The following DMKN variants were observed in gnomAD, a reference collection of about 807,000 sequenced individuals.
DMKN encodes dermokine, also known as epidermis-specific secreted protein SK30/SK89.
Under a neutral mutation model 67.6 loss-of-function variants are expected in DMKN, and 58 were observed. That is an observed-to-expected ratio of 0.86 (90% CI 0.69 to 1.07). The LOEUF (loss-of-function observed/expected upper bound fraction) is 1.07. Among genes scored for constraint, DMKN ranks in the 50% least tolerant of loss-of-function variants. DMKN has a pLI of 0.00. For missense variants in DMKN, 596 were observed against 601.5 expected (o/e 0.99, Z 0.10); for synonymous variants, 240 against 232.3 (o/e 1.03, Z -0.30).
At position 35,499,989 on chromosome 19, in the gene DMKN, C is replaced by T. The variant is rs561124543; in HGVS notation, c.1328G>A (p.Gly443Asp). ...AGGGGTCTTGACTGAGTACTTCCCACCATAGGCAGTGGGATACGCATGCTG... is the reference window on the plus strand; with the variant it reads ...AGGGGTCTTGACTGAGTACTTCCCATCATAGGCAGTGGGATACGCATGCTG... ...YNQHAYPTAY[G>D]GKYSVKTPAK... Residue 443 changes from glycine (G) to aspartate (D), a missense_variant, in exon 13 of 16, where the codon GGT (glycine) becomes GAT (aspartate). Gly to Asp is a moderately conservative substitution (Grantham distance 94). Transcript: ENST00000339686. 11 of 1,614,184 alleles carry T rather than the reference C, an allele frequency of 6.8e-6. No individual in the cohort carries two copies. The African/African-American group carries it at 8.0e-5, about 12-fold the overall frequency.
intron 7 of DMKN, among the ~76,000 whole-genome samples, chr19:35,509,118 G>A (rs1225948503): frequency 6.6e-6 from 1 of 152,084 alleles, no homozygotes; most frequent in East Asian, 1.9e-4. Flanking sequence ...CTACTCGGGA[G>A]GCTGAGGTAA....
At chr19:35,502,288 G>T in intron 10 of DMKN, 105 bp from the exon 11 acceptor site, 1 of 1,160,012 alleles carries the variant, frequency 8.6e-7, no homozygotes, top group Non-Finnish European at 1.3e-6. Flanking sequence ...AGGAGCTTTT[G>T]GGTGTGGCTT....
chr19:35,512,134 A>G (rs956110131), intron 3 of DMKN, among the ~76,000 whole-genome samples: 26 of 151,710 alleles, frequency 1.7e-4, no homozygotes, highest in Non-Finnish European at 7.4e-5. Flanking sequence ...AGTGGCTGCA[A>G]TTACAGGCGC....
At chr19:35,511,993 C>CTT (rs11285451) in intron 3 of DMKN, among the ~76,000 whole-genome samples, 180 bp from the exon 4 acceptor site, 3,060 of 113,016 alleles carry the variant, frequency 0.027, 91 homozygotes, top group Non-Finnish European at 0.041. Context: ...TCTCTTCCTC[C>CTT]TTTTTTTTTT....
intron 7 of DMKN, among the ~76,000 whole-genome samples, chr19:35,508,810 A>T (rs984332313): frequency 3.9e-5 from 6 of 152,230 alleles, no homozygotes; most frequent in Non-Finnish European, 8.8e-5. Context: ...TTGCAGGAGT[A>T]TGCATAGTGC....
chr19:35,510,237 A>G lies in DMKN; in HGVS notation c.934T>C (p.Ser312Pro). 1 of 1,606,682 alleles carries G rather than the reference A, an allele frequency of 6.2e-7. No individual in the cohort carries two copies. Among genetic ancestry groups the G allele is most frequent in the East Asian group, 2.2e-5 (1 of 44,546 alleles). The stretch of plus-strand genomic sequence containing the variant: ...CTCCCACCGTGGTTGCCGGAGGAGG[A>G]GCCGGTGCTGGATCCCTGCAGGGGA... Reference protein sequence around the residue: ...SESSWGSSTGSSSGNHGGSGG... With the variant: ...SESSWGSSTGPSSGNHGGSGG... The change falls in exon 6 of 16, where the codon TCC becomes CCC. Residue 312 changes from serine to proline, a missense_variant. By Grantham distance (74) the Ser-to-Pro change is moderately conservative. Transcript: ENST00000339686.
At chr19:35,505,406 A>G (rs2069265742) in intron 9 of DMKN, among the ~76,000 whole-genome samples, 1 of 152,070 alleles carries the variant, frequency 6.6e-6, no homozygotes, top group African/African-American at 2.4e-5. Context: ...TCTAGGAGTC[A>G]ATCTACTCTC....
chr19:35,510,763 A>G (rs1004745792), intron 5 of DMKN, among the ~76,000 whole-genome samples: 1 of 152,144 alleles, frequency 6.6e-6, no homozygotes, highest in African/African-American at 2.4e-5. Flanking sequence ...AGGAAGCCAG[A>G]TGTGGCTCCC....
intron 6 of DMKN, 90 bp downstream of exon 6, chr19:35,510,094 C>G: frequency 6.4e-7 from 1 of 1,564,066 alleles, no homozygotes; most frequent in Non-Finnish European, 8.7e-7. Context: ...CCCATCTCCG[C>G]GGAGCCTTGG....
At chr19:35,506,051 T>C in intron 7 of DMKN, 65 bp from the exon 8 acceptor site, 1 of 1,613,114 alleles carries the variant, frequency 6.2e-7, no homozygotes, top group Non-Finnish European at 8.5e-7. Flanking sequence ...TCGGGAGATC[T>C]GAGTGGCAGG....
chr19:35,501,655 C>T (rs2068385312), intron 11 of DMKN: 1 of 649,068 alleles, frequency 1.5e-6, no homozygotes, highest in Non-Finnish European at 2.5e-6. Flanking sequence ...TCCCCATCCT[C>T]CCTGACCCAG....
intron 10 of DMKN, 132 bp downstream of exon 10, chr19:35,502,698 C>G (rs564348193): frequency 2.2e-6 from 2 of 896,258 alleles, no homozygotes; most frequent in East Asian, 2.5e-5. Flanking sequence ...GAGCGAGACT[C>G]TGTCTCAAAA....
chr19:35,512,921 A>G, intron 1 of DMKN, 129 bp downstream of exon 1: 1 of 1,510,694 alleles, frequency 6.6e-7, no homozygotes, highest in Non-Finnish European at 8.9e-7. Flanking sequence ...AGGGGGGCAG[A>G]ACATAGAAGG....
intron 11 of DMKN, 95 bp downstream of exon 11, chr19:35,502,041 G>T: frequency 6.2e-7 from 1 of 1,600,342 alleles, no homozygotes; most frequent in Non-Finnish European, 8.6e-7. Context: ...AAAGTGGGAA[G>T]GGAGGGGAAG....
intron 13 of DMKN, 60 bp from the exon 14 acceptor site, chr19:35,498,957 C>T: frequency 6.2e-7 from 1 of 1,613,220 alleles, no homozygotes; most frequent in South Asian, 1.1e-5. Flanking sequence ...TCTGCCATGG[C>T]CTCCACGCTC....
chr19:35,504,618 G>C (rs974596154), intron 9 of DMKN, among the ~76,000 whole-genome samples: 2 of 148,648 alleles, frequency 1.3e-5, no homozygotes, highest in Non-Finnish European at 3.0e-5. Context: ...GAAAGAAAAA[G>C]AAAAAAGAAA....
intron 9 of DMKN, among the ~76,000 whole-genome samples, 156 bp downstream of exon 9, chr19:35,505,562 G>A (rs2069301073): frequency 6.6e-6 from 1 of 152,072 alleles, no homozygotes; most frequent in South Asian, 2.1e-4. Context: ...GGTCTCCTCT[G>A]TCCTCCCTCC....
intron 3 of DMKN, among the ~76,000 whole-genome samples, 160 bp downstream of exon 3, chr19:35,512,261 G>A (rs553431365): frequency 1.6e-4 from 24 of 152,114 alleles, no homozygotes; most frequent in Admixed American, 2.6e-4. Context: ...GCCTCCCAAA[G>A]TGCTGGGATT....
chr19:35,498,776 G>A lies in DMKN; in HGVS notation c.1384-13C>T, dbSNP rs374185829. 7.4e-6 allele frequency: 12 copies of A among 1,614,218 alleles called. No individual in the cohort carries two copies. Among genetic ancestry groups the A allele is most frequent in the Middle Eastern group, 1.6e-4 (1 of 6,062 alleles). The stretch of plus-strand genomic sequence containing the variant: ...GCACCCGGGAAGCCTGCCAGAAAAA[G>A]AGAAAGTCTGAGTGGCCACCACAGG... On this transcript the variant is annotated splice_polypyrimidine_tract_variant and intron_variant, in intron 14 of 15. Coordinates refer to ENST00000339686, the MANE Select transcript of DMKN (RefSeq NM_033317.5).
Sources: allele counts gnomAD v4.1 joint callset (sites outside exome capture counted in the v4.1 genomes callset), GRCh38; gene constraint gnomAD v4.1.1; transcripts MANE v1.5; gene names NCBI Gene and HGNC (gene_info 2026-07-23, HGNC 2026-07-21).